Variants in CWC27 observed in about 807,000 individuals in gnomAD.
CWC27 encodes the protein CWC27 spliceosome associated cyclophilin, also known as spliceosome-associated protein CWC27 homolog.
In CWC27, 47 loss-of-function variants were observed where a neutral mutation model predicts 63.6. The observed-to-expected ratio is 0.74, with a 90% CI of 0.58 to 0.94. The LOEUF (loss-of-function observed/expected upper bound fraction) is 0.94, where lower values mean the gene tolerates loss of function less well. Among genes scored for constraint, CWC27 ranks in the 40% least tolerant of loss-of-function variants. The pLI, the probability that CWC27 is intolerant of heterozygous loss-of-function variation, is 0.00. For synonymous variants in CWC27, 175 were observed against 179.8 expected, an observed-to-expected ratio of 0.97 and a Z score of 0.22; for missense variants, 495 against 554.3, an observed-to-expected ratio of 0.89 and a Z score of 1.07.
chr5:64,801,214 A>C, intron 8 of CWC27, 88 bp from the exon 9 acceptor site: 14 of 1,176,064 alleles, frequency 1.2e-5, no homozygotes, highest in Non-Finnish European at 1.6e-5. Flanking sequence ...TGTTATTCCC[A>C]GCAAACTATT....
chr5:64,957,039 A>G (rs1352298035), intron 11 of CWC27, among the ~76,000 whole-genome samples: 1 of 152,164 alleles, frequency 6.6e-6, no homozygotes, highest in African/African-American at 2.4e-5. Flanking sequence ...TCACATAGGA[A>G]ATCTAAAGAA....
intron 7 of CWC27, among the ~76,000 whole-genome samples, chr5:64,791,182 G>GT (rs56404079): frequency 0.55 from 83,513 of 151,884 alleles, 23,554 homozygotes; most frequent in East Asian, 0.86. Context: ...TTTTCTGTCA[G>GT]TTTTTTGTTG....
intron 10 of CWC27, among the ~76,000 whole-genome samples, chr5:64,831,018 A>C (rs986500704): frequency 6.6e-6 from 1 of 152,072 alleles, no homozygotes; most frequent in Admixed American, 6.6e-5. Flanking sequence ...TATGTTGTCT[A>C]TTATATTATG....
chr5:64,844,921 A>G (rs571680808), intron 10 of CWC27: 1 of 456,722 alleles, frequency 2.2e-6, no homozygotes, highest in Non-Finnish European at 4.4e-6. Context: ...CTCCTCTCCC[A>G]GGAAATTACT....
chr5:64,957,117 C>T (rs1302526487), intron 11 of CWC27, among the ~76,000 whole-genome samples: 1 of 152,128 alleles, frequency 6.6e-6, no homozygotes, highest in African/African-American at 2.4e-5. Flanking sequence ...ATTCTTATAA[C>T]TACTTGGAGA....
intron 12 of CWC27, among the ~76,000 whole-genome samples, chr5:64,975,937 A>C (rs1749220375): frequency 6.6e-6 from 1 of 152,016 alleles, no homozygotes. Context: ...GCATGGTGGC[A>C]CGTGCCTGTG....
chr5:64,846,993 CA>C (rs35090437), intron 10 of CWC27, among the ~76,000 whole-genome samples: 77 of 86,166 alleles, frequency 8.9e-4, no homozygotes, highest in South Asian at 2.4e-3. Flanking sequence ...GACTCCATCT[CA>C]AAAAAAAAAA....
chr5:64,921,735 T>C (rs184726416), intron 11 of CWC27, among the ~76,000 whole-genome samples: 1 of 152,340 alleles, frequency 6.6e-6, no homozygotes, highest in African/African-American at 2.4e-5. Flanking sequence ...CTTGATTGTA[T>C]AGTTGCTTTA....
At chr5:64,971,675 A>C (rs1270291113) in intron 11 of CWC27, 28 bp from the exon 12 acceptor site, 4 of 1,515,976 alleles carry the variant, frequency 2.6e-6, no homozygotes, top group Non-Finnish European at 3.6e-6. Flanking sequence ...TTTACTGCTT[A>C]TTCTAAAAAT....
chr5:64,925,816 T>TA (rs1470478732), intron 11 of CWC27, among the ~76,000 whole-genome samples: 1 of 152,212 alleles, frequency 6.6e-6, no homozygotes, highest in Non-Finnish European at 1.5e-5. Context: ...CTCCCCAATC[T>TA]ATTCTGATGG....
At chr5:64,890,286 T>G (rs1246976766) in intron 11 of CWC27, among the ~76,000 whole-genome samples, 2 of 152,188 alleles carry the variant, frequency 1.3e-5, no homozygotes, top group East Asian at 3.9e-4. Flanking sequence ...ATTTCACATT[T>G]CTTCAGACTA....
At chr5:64,884,847 G>A (rs1028544826) in intron 10 of CWC27, among the ~76,000 whole-genome samples, 1 of 152,172 alleles carries the variant, frequency 6.6e-6, no homozygotes, top group Non-Finnish European at 1.5e-5. Context: ...TTTAACACAT[G>A]ATTATATTAA....
chr5:64,870,496 A>T (rs939637266), intron 10 of CWC27, among the ~76,000 whole-genome samples: 1 of 151,858 alleles, frequency 6.6e-6, no homozygotes, highest in Non-Finnish European at 1.5e-5. Context: ...AAAAAAAAAA[A>T]AAATACATGA....
intron 10 of CWC27, among the ~76,000 whole-genome samples, chr5:64,849,473 G>A (rs1177388538): frequency 6.6e-6 from 1 of 152,298 alleles, no homozygotes; most frequent in Non-Finnish European, 1.5e-5. Context: ...GACCTGGTGG[G>A]AGGTGATTAG....
chr5:64,786,463 G>T (rs1265358857), intron 5 of CWC27, 61 bp from the exon 6 acceptor site: 24 of 1,009,768 alleles, frequency 2.4e-5, no homozygotes, highest in South Asian at 5.4e-5. Flanking sequence ...TACATACGGG[G>T]TTTGATTTTT....
intron 10 of CWC27, among the ~76,000 whole-genome samples, chr5:64,866,678 T>G (rs1214489482): frequency 6.6e-6 from 1 of 152,056 alleles, no homozygotes; most frequent in East Asian, 1.9e-4. Context: ...TTTAGGAATA[T>G]GTTGTTAATT....
chr5:64,821,506 T>C (rs1745196731), intron 10 of CWC27, among the ~76,000 whole-genome samples: 1 of 152,316 alleles, frequency 6.6e-6, no homozygotes, highest in Non-Finnish European at 1.5e-5. Flanking sequence ...CTTCAGCATA[T>C]AGTGAATAAG....
chr5:64,928,501 G>C (rs1485176677), intron 11 of CWC27, among the ~76,000 whole-genome samples: 2 of 152,104 alleles, frequency 1.3e-5, no homozygotes, highest in Non-Finnish European at 2.9e-5. Flanking sequence ...TTAGTGATCT[G>C]AGAAAATGCC....
chr5:64,966,903 A>C (rs746185073), intron 11 of CWC27, among the ~76,000 whole-genome samples: 11 of 152,078 alleles, frequency 7.2e-5, no homozygotes, highest in Non-Finnish European at 1.0e-4. Flanking sequence ...TGTTTTAAAA[A>C]TACTTTTTGT....
Sources: gnomAD v4.1 joint callset for allele counts (sites outside exome capture counted in the v4.1 genomes callset) on GRCh38, gnomAD v4.1.1 for gene constraint, MANE v1.5 for transcripts, NCBI Gene and HGNC (gene_info 2026-07-23, HGNC 2026-07-21) for gene names.